Variants in PNPT1 observed in about 807,000 individuals in gnomAD.
PNPT1 encodes polyribonucleotide nucleotidyltransferase 1.
PNPT1 carries 53 observed loss-of-function variants against 119.5 expected under a neutral mutation model. That is an observed-to-expected ratio of 0.44 (90% CI 0.36 to 0.56). The LOEUF (loss-of-function observed/expected upper bound fraction) is 0.56, where lower values mean the gene tolerates loss of function less well. PNPT1 is among the 20% of genes least tolerant of loss of function. The probability of loss-of-function intolerance (pLI) is 0.00; values close to 1 mark genes in which losing one functional copy is unlikely to be tolerated. For missense variants in PNPT1, 948 were observed against 938.5 expected, an observed-to-expected ratio of 1.01 and a Z score of -0.13; for synonymous variants, 357 against 322.1, an observed-to-expected ratio of 1.11 and a Z score of -1.16.
At chr2:55,671,035 G>A (rs576451120) in intron 11 of PNPT1, among the ~76,000 whole-genome samples, 67 of 152,084 alleles carry the variant, frequency 4.4e-4, no homozygotes, top group Admixed American at 2.4e-3. Flanking sequence ...TAGTAATAGC[G>A]GTTCTGTGCA....
At chr2:55,663,588 G>A (rs1457135212) in intron 13 of PNPT1, among the ~76,000 whole-genome samples, 1 of 152,146 alleles carries the variant, frequency 6.6e-6, no homozygotes, top group Admixed American at 6.6e-5. Context: ...AACCAAAGAT[G>A]AGGTGCAAAT....
intron 11 of PNPT1, among the ~76,000 whole-genome samples, chr2:55,668,851 T>C (rs1437741316): frequency 1.3e-5 from 2 of 152,226 alleles, no homozygotes; most frequent in Non-Finnish European, 2.9e-5. Context: ...CCGCCTGCCT[T>C]GGCCTCCCAA....
rs531150627 is a variant in PNPT1 at position 55,650,341 on chromosome 2, C to T, written c.1496-2888G>A. Among the ~76,000 whole-genome samples, 1,031 of 152,320 alleles carry T rather than the reference C, an allele frequency of 6.8e-3. 19 individuals are homozygous for T. Among genetic ancestry groups the T allele is most frequent in the African/African-American group, 0.024 (983 of 41,578 alleles). On this transcript the variant is annotated intron_variant, in intron 18 of 27. Coordinates refer to ENST00000447944, the MANE Select transcript of PNPT1 (RefSeq NM_033109.5). Reference sequence around the variant, plus strand: ...TATTTTTTTGGTGGAGACGGGGTTTCGCTGTGTTGGCTGGGCTGGTCTCCA... The same window carrying T: ...TATTTTTTTGGTGGAGACGGGGTTTTGCTGTGTTGGCTGGGCTGGTCTCCA...
At chr2:55,681,477 G>A (rs1042309743) in intron 5 of PNPT1, among the ~76,000 whole-genome samples, 3 of 152,038 alleles carry the variant, frequency 2.0e-5, no homozygotes, top group African/African-American at 7.2e-5. Context: ...AGATAAATAC[G>A]GTAGGTAAAG....
chr2:55,640,550 CT>C, intron 26 of PNPT1, 76 bp downstream of exon 26: 2 of 1,253,130 alleles, frequency 1.6e-6, no homozygotes. Flanking sequence ...GTGTATAATT[CT>C]TACCAACCTA....
chr2:55,678,631 G>T (rs1200062988), intron 8 of PNPT1, among the ~76,000 whole-genome samples: 1 of 152,200 alleles, frequency 6.6e-6, no homozygotes, highest in Non-Finnish European at 1.5e-5. Context: ...GAGGATAGCA[G>T]AGGAGAAAGC....
intron 8 of PNPT1, among the ~76,000 whole-genome samples, chr2:55,674,620 AAG>A (rs1308832249): frequency 6.6e-6 from 1 of 152,172 alleles, no homozygotes; most frequent in Admixed American, 6.5e-5. Context: ...AATAGAGAAA[AAG>A]AGTAAATACA....
intron 23 of PNPT1, among the ~76,000 whole-genome samples, chr2:55,643,835 T>C (rs1050551773): frequency 2.6e-5 from 4 of 152,178 alleles, no homozygotes; most frequent in Admixed American, 6.5e-5. Flanking sequence ...GGTGGAGTTA[T>C]GCTGTATTTA....
chr2:55,693,498 G>A (rs769211035), intron 1 of PNPT1, among the ~76,000 whole-genome samples, 165 bp downstream of exon 1: 2 of 152,210 alleles, frequency 1.3e-5, no homozygotes, highest in African/African-American at 2.4e-5. Context: ...AGGGTCCGAG[G>A]AGACACATTC....
At chr2:55,675,624 A>C (rs1303964248) in intron 8 of PNPT1, among the ~76,000 whole-genome samples, 1 of 151,944 alleles carries the variant, frequency 6.6e-6, no homozygotes, top group Non-Finnish European at 1.5e-5. Flanking sequence ...TTTGAACCCC[A>C]CAGTTTGAGG....
chr2:55,644,305 G>A (rs760869946), intron 23 of PNPT1, among the ~76,000 whole-genome samples: 1 of 152,022 alleles, frequency 6.6e-6, no homozygotes, highest in Non-Finnish European at 1.5e-5. Context: ...AAAACTAAGT[G>A]AAAGTAGCAG....
intron 18 of PNPT1, among the ~76,000 whole-genome samples, chr2:55,653,855 G>C (rs955892453): frequency 6.6e-6 from 1 of 152,056 alleles, no homozygotes; most frequent in African/African-American, 2.4e-5. Context: ...CTGTAAATGT[G>C]TTAAGTTATC....
intron 17 of PNPT1, among the ~76,000 whole-genome samples, chr2:55,655,280 C>T (rs1696350645): frequency 6.6e-6 from 1 of 152,112 alleles, no homozygotes; most frequent in Admixed American, 6.6e-5. Flanking sequence ...GGAGTCTCAG[C>T]CTGCCACCAC....
rs777410490 is a variant in PNPT1 at position 55,671,973 on chromosome 2, G to C, written c.918+22C>G. On this transcript the variant is annotated intron_variant, in intron 10 of 27. Coordinates refer to ENST00000447944, the MANE Select transcript of PNPT1 (RefSeq NM_033109.5). ...ATGTATTCCTAGGGCAATTATGGAA[G>C]ACAAAACTCAGGTATACCTACTTTG... is the stretch of plus-strand genomic sequence containing the variant. 10 of 1,562,718 alleles carry C rather than the reference G, an allele frequency of 6.4e-6. No homozygotes were observed. In the South Asian group the frequency reaches 1.2e-4, roughly 19 times the overall value.
intron 3 of PNPT1, 146 bp downstream of exon 3, chr2:55,686,224 T>C (rs1330463360): frequency 1.4e-4 from 97 of 669,468 alleles, no homozygotes; most frequent in Non-Finnish European, 1.3e-4. Context: ...TTATACTCTT[T>C]TAATGAATCA....
chr2:55,686,503 T>C, intron 2 of PNPT1, 59 bp from the exon 3 acceptor site: 2 of 1,289,514 alleles, frequency 1.6e-6, no homozygotes, highest in Non-Finnish European at 2.2e-6. Context: ...AGCATCTAAG[T>C]AGCAACTGAA....
chr2:55,687,178 C>T (rs1697434561), intron 2 of PNPT1, among the ~76,000 whole-genome samples: 1 of 144,472 alleles, frequency 6.9e-6, no homozygotes, highest in Admixed American at 7.1e-5. Flanking sequence ...CGCGCCGCTG[C>T]ACTCCAGCCT....
intron 8 of PNPT1, among the ~76,000 whole-genome samples, chr2:55,678,021 G>A (rs150594620): frequency 0.03 from 4,528 of 152,292 alleles, 106 homozygotes; most frequent in South Asian, 0.089. Flanking sequence ...GATTACAGGC[G>A]TGAGCCACTA....
At chr2:55,655,123 G>A (rs1455327625) in intron 17 of PNPT1, among the ~76,000 whole-genome samples, 170 bp from the exon 18 acceptor site, 1 of 152,044 alleles carries the variant, frequency 6.6e-6, no homozygotes, top group African/African-American at 2.4e-5. Flanking sequence ...CTATGGGGCT[G>A]CAAGGTCCAA....
Sources: allele counts gnomAD v4.1 joint callset (sites outside exome capture counted in the v4.1 genomes callset), GRCh38; gene constraint gnomAD v4.1.1; transcripts MANE v1.5; gene names NCBI Gene and HGNC (gene_info 2026-07-23, HGNC 2026-07-21).